Variants in SLC39A10 observed in about 807,000 individuals in gnomAD.
The protein encoded by SLC39A10 is solute carrier family 39 member 10.
SLC39A10 carries 13 observed loss-of-function variants against 65.1 expected under a neutral mutation model. The ratio of observed to expected loss-of-function variants is 0.20; its 90% CI spans 0.13 to 0.32. The LOEUF (loss-of-function observed/expected upper bound fraction) is 0.32. SLC39A10 is among the 10% of genes least tolerant of loss of function. The probability of loss-of-function intolerance (pLI) is 1.00; values close to 1 mark genes in which losing one functional copy is unlikely to be tolerated. For missense variants in SLC39A10, 831 were observed against 1,018.4 expected, an observed-to-expected ratio of 0.82 and a Z score of 2.50; for synonymous variants, 321 against 342.2, an observed-to-expected ratio of 0.94 and a Z score of 0.68.
chr2:195,677,289 A>G (rs905016854), intron 1 of SLC39A10, among the ~76,000 whole-genome samples: 2 of 151,604 alleles, frequency 1.3e-5, no homozygotes, highest in African/African-American at 4.9e-5. Flanking sequence ...GGTAGCTCAC[A>G]CCTGCAATCT....
intron 2 of SLC39A10, among the ~76,000 whole-genome samples, chr2:195,617,691 TG>T (rs1476011512): frequency 6.6e-6 from 1 of 151,910 alleles, no homozygotes; most frequent in Non-Finnish European, 1.5e-5. Flanking sequence ...GGCAACATAG[TG>T]AGACCTTGTT....
intron 2 of SLC39A10, among the ~76,000 whole-genome samples, chr2:195,616,704 C>T (rs981141856): frequency 1.2e-4 from 18 of 147,526 alleles, no homozygotes; most frequent in Admixed American, 3.4e-4. Context: ...CCCAGGTTCA[C>T]GCCATTCTCC....
intron 1 of SLC39A10, chr2:195,657,695 C>T (rs1201223471): frequency 2.5e-5 from 23 of 937,948 alleles, no homozygotes; most frequent in Admixed American, 6.2e-5. Context: ...GCGCCGGCCG[C>T]GGATGGCGTC....
intron 3 of SLC39A10, among the ~76,000 whole-genome samples, chr2:195,706,257 C>A (rs758967312): frequency 6.6e-6 from 1 of 151,448 alleles, no homozygotes; most frequent in Non-Finnish European, 1.5e-5. Context: ...TAATTATATT[C>A]TTTAAATAAA....
chr2:195,644,889 AC>A (rs773574568), intron 2 of SLC39A10, among the ~76,000 whole-genome samples: 26,746 of 84,042 alleles, frequency 0.32, 2,571 homozygotes, highest in South Asian at 0.45. Context: ...CAATCTAACT[AC>A]TTTATTTATT....
At chr2:195,701,422 A>T in intron 3 of SLC39A10, among the ~76,000 whole-genome samples, 1 of 80,122 alleles carries the variant, frequency 1.2e-5, no homozygotes, top group Non-Finnish European at 2.5e-5. Context: ...TTTCAGGGAC[A>T]GTTTCTGTGA....
intron 2 of SLC39A10, among the ~76,000 whole-genome samples, chr2:195,619,985 C>A (rs904804278): frequency 5.3e-5 from 8 of 152,096 alleles, no homozygotes; most frequent in Non-Finnish European, 1.2e-4. Context: ...TGCAGTGGCA[C>A]GATCTTGACT....
rs10186699 is a variant in SLC39A10, at chr2:195,640,901, A to G, written c.-12+34668A>G. On this transcript the variant is annotated intron_variant, in intron 2 of 2. Transcript: ENST00000458054. ...AAGGATAAAGAGAAAATATTAATTTATAACTCCTCCCACACACACTATTAT... is the reference window on the plus strand; with the variant it reads ...AAGGATAAAGAGAAAATATTAATTTGTAACTCCTCCCACACACACTATTAT... Among the ~76,000 whole-genome samples, 429 of 152,318 alleles carry G rather than the reference A, an allele frequency of 2.8e-3. 2 individuals carry two copies. Among genetic ancestry groups the G allele is most frequent in the African/African-American group, 9.7e-3 (402 of 41,562 alleles).
chr2:195,716,515 T>A, intron 6 of SLC39A10, 122 bp from the exon 7 acceptor site: 1 of 760,876 alleles, frequency 1.3e-6, no homozygotes, highest in Non-Finnish European at 1.9e-6. Context: ...TTTTAGGAAA[T>A]TATTTAAGAA....
chr2:195,698,778 T>C (rs1691073143), intron 3 of SLC39A10, among the ~76,000 whole-genome samples: 1 of 152,068 alleles, frequency 6.6e-6, no homozygotes, highest in South Asian at 2.1e-4. Flanking sequence ...TTGTCATTTC[T>C]TGTAGTGTCT....
intron 2 of SLC39A10, among the ~76,000 whole-genome samples, chr2:195,651,329 T>C (rs889197868): frequency 2.0e-5 from 3 of 152,156 alleles, no homozygotes; most frequent in Admixed American, 6.5e-5. Context: ...TGGAAATAAT[T>C]TGTATCCTTT....
chr2:195,737,176 AT>A lies in SLC39A10; in HGVS notation c.*2137del, dbSNP rs1692655651. 6.6e-6 allele frequency: 1 copy of A among 152,624 alleles called. No homozygotes were observed. The highest frequency in any genetic ancestry group is 6.5e-5 in the Admixed American group (1 of 15,268). The allele number at this position is 152,624 out of a possible 1,614,324, so 9.5% of individuals were successfully genotyped here. ...GAGGGCTGTAACAGTTGCTGCTAGTATTAGGGTTCCACATCATTCTAATGTA... is the reference window on the plus strand; with the variant it reads ...GAGGGCTGTAACAGTTGCTGCTAGTATAGGGTTCCACATCATTCTAATGTA... On this transcript the variant is annotated 3_prime_UTR_variant, in exon 10 of 10. Transcript: ENST00000359634.
At chr2:195,675,861 C>A (rs1690064571) in intron 1 of SLC39A10, among the ~76,000 whole-genome samples, 1 of 151,928 alleles carries the variant, frequency 6.6e-6, no homozygotes, top group South Asian at 2.1e-4. Flanking sequence ...AATGGCTGTA[C>A]CAATATATAC....
rs1446194707 is a variant in SLC39A10, at chr2:195,730,215, C to T, written c.2337+1866C>T. ...TCAAATTAACCATTGACCATGGCATCGCTAAGTCTGCTAGTCATTTTCCAG... is the reference window on the plus strand; with the variant it reads ...TCAAATTAACCATTGACCATGGCATTGCTAAGTCTGCTAGTCATTTTCCAG... On this transcript the variant is annotated intron_variant, in intron 9 of 9. Transcript: ENST00000359634. 3.3e-5 allele frequency among the ~76,000 whole-genome samples: 5 copies of T among 152,192 alleles called. No individual in the cohort carries two copies. The Middle Eastern group carries it at 0.01, about 311-fold the overall frequency.
chr2:195,706,809 T>A (rs751994723), intron 4 of SLC39A10, 24 bp downstream of exon 4: 39 of 1,427,892 alleles, frequency 2.7e-5, no homozygotes, highest in Admixed American at 2.4e-4. Context: ...TTAATGTTTT[T>A]AAAAATTTAA....
At chr2:195,662,274 C>CTTT (rs778924026) in intron 1 of SLC39A10, among the ~76,000 whole-genome samples, 3 of 140,768 alleles carry the variant, frequency 2.1e-5, no homozygotes, top group African/African-American at 2.6e-5. Flanking sequence ...GTGGTGTTCC[C>CTTT]TTTTTTTTTT....
At chr2:195,641,196 C>T (rs1574213397) in intron 2 of SLC39A10, among the ~76,000 whole-genome samples, 1 of 152,128 alleles carries the variant, frequency 6.6e-6, no homozygotes, top group East Asian at 1.9e-4. Context: ...GGACACCTAA[C>T]CCAGAGAGGG....
At chr2:195,714,503 A>G (rs1248990361) in intron 6 of SLC39A10, among the ~76,000 whole-genome samples, 1 of 151,998 alleles carries the variant, frequency 6.6e-6, no homozygotes, top group East Asian at 2.0e-4. Flanking sequence ...ATAATCATTT[A>G]TTACCTGTGG....
At chr2:195,674,906 A>G (rs1429544977) in intron 1 of SLC39A10, among the ~76,000 whole-genome samples, 2 of 152,238 alleles carry the variant, frequency 1.3e-5, no homozygotes, top group South Asian at 2.1e-4. Flanking sequence ...AAAATTCAGT[A>G]TAAAAGATTT....
Sources: gnomAD v4.1 joint callset for allele counts (sites outside exome capture counted in the v4.1 genomes callset) on GRCh38, gnomAD v4.1.1 for gene constraint, MANE v1.5 for transcripts, NCBI Gene and HGNC (gene_info 2026-07-23, HGNC 2026-07-21) for gene names.